KIRREL2: variants seen among roughly 807,000 people sequenced by gnomAD.
The protein encoded by KIRREL2 is kirre like nephrin family adhesion molecule 2.
A neutral mutation model predicts 73.4 loss-of-function variants in KIRREL2; 56 were observed. The ratio of observed to expected loss-of-function variants is 0.76; its 90% confidence interval spans 0.62 to 0.95. KIRREL2 has a LOEUF of 0.95. Ranked by LOEUF, KIRREL2 falls within the 40% of genes least tolerant of loss-of-function variation. The pLI is 0.00. For missense variants in KIRREL2, 896 were observed against 935.0 expected (o/e 0.96, Z 0.54); for synonymous variants, 407 against 404.0 (o/e 1.01, Z -0.09).
upstream of KIRREL2, among the ~76,000 whole-genome samples, chr19:35,855,656 TACACACACACACACACACACACAC>T (rs57458964): frequency 1.1e-4 from 9 of 84,924 alleles, no homozygotes; most frequent in Admixed American, 9.2e-4. Context: ...CACCTCCCCA[TACACACACACACACACACACACAC>T]ACACACACAC....
upstream of KIRREL2, among the ~76,000 whole-genome samples, chr19:35,856,310 T>A (rs1973422464): frequency 6.6e-6 from 1 of 152,112 alleles, no homozygotes; most frequent in Non-Finnish European, 1.5e-5. The surrounding 1 kb of genome is among the most constrained non-coding windows in gnomAD (Gnocchi z 5.9). Context: ...GGAGAGGGGT[T>A]GGGCTGGGAC....
At chr19:35,851,841 AG>A (rs1241934650), upstream of KIRREL2, 2 of 1,550,842 alleles carry the variant, frequency 1.3e-6, no homozygotes, top group Admixed American at 3.9e-5. Flanking sequence ...GGGCCATCAC[AG>A]GTCCCCCTAC....
chr19:35,860,872 C>T (rs1457674062), intron 7 of KIRREL2, 37 bp from the exon 8 acceptor site: 2 of 1,611,950 alleles, frequency 1.2e-6, no homozygotes, highest in Admixed American at 1.7e-5. Context: ...GGCTGCATTC[C>T]GCCCCGGCCA....
chr19:35,852,462 G>C (rs951278942), upstream of KIRREL2, among the ~76,000 whole-genome samples: 2 of 152,124 alleles, frequency 1.3e-5, no homozygotes, highest in African/African-American at 4.8e-5. Flanking sequence ...GCAGGCACTG[G>C]CAGAGTCAGC....
intron 13 of KIRREL2, among the ~76,000 whole-genome samples, chr19:35,863,461 CT>C (rs111603435): frequency 0.15 from 19,707 of 129,098 alleles, 3,188 homozygotes; most frequent in African/African-American, 0.43. Context: ...GGGCTCTAGT[CT>C]TTTTTTTTTT....
intron 14 of KIRREL2, 106 bp from the exon 15 acceptor site, chr19:35,866,049 CTT>C (rs1227313367): frequency 9.3e-7 from 1 of 1,071,372 alleles, no homozygotes; most frequent in Non-Finnish European, 1.4e-6. Context: ...ACTCCTGTCT[CTT>C]TTTGTCTCTC....
intron 2 of KIRREL2, 79 bp downstream of exon 2, chr19:35,857,573 T>G: frequency 1.4e-6 from 2 of 1,399,702 alleles, no homozygotes; most frequent in Non-Finnish European, 1.9e-6. Context: ...CAGTTTCTAT[T>G]TTGACATTTT....
chr19:35,862,859 C>G, intron 12 of KIRREL2, 68 bp from the exon 13 acceptor site: 1 of 946,482 alleles, frequency 1.1e-6, no homozygotes, highest in Non-Finnish European at 1.7e-6. Flanking sequence ...CCTCTCTCTT[C>G]CCGCTTATTG....
At chr19:35,860,265 T>G (rs1973606068) in intron 5 of KIRREL2, 32 bp from the exon 6 acceptor site, 1 of 1,583,942 alleles carries the variant, frequency 6.3e-7, no homozygotes, top group Non-Finnish European at 8.7e-7. Flanking sequence ...TTCCTGGTCC[T>G]TGCCCATCTG....
chr19:35,851,759 CA>C, upstream of KIRREL2: 6 of 1,555,252 alleles, frequency 3.9e-6, no homozygotes, highest in Non-Finnish European at 5.2e-6. Context: ...GCGCTGGGTA[CA>C]AGGCTGGGAT....
chr19:35,862,348 C>T, intron 11 of KIRREL2, 145 bp from the exon 12 acceptor site: 1 of 699,596 alleles, frequency 1.4e-6, no homozygotes, highest in Non-Finnish European at 2.5e-6. Flanking sequence ...AACTCACTCT[C>T]AAACTTGGGG....
intron 3 of KIRREL2, 59 bp from the exon 4 acceptor site, chr19:35,858,645 A>G: frequency 6.2e-7 from 1 of 1,608,792 alleles, no homozygotes; most frequent in South Asian, 1.1e-5. Flanking sequence ...GCCCAGGGGC[A>G]TGGTCAATTG....
At chr19:35,853,920 C>T (rs1280553021), upstream of KIRREL2, among the ~76,000 whole-genome samples, 1 of 141,908 alleles carries the variant, frequency 7.0e-6, no homozygotes, top group African/African-American at 2.7e-5. Context: ...TGTTGGCTCA[C>T]TGTAACCTCC....
chr19:35,855,021 T>TC (rs1209276517), upstream of KIRREL2, among the ~76,000 whole-genome samples: 1 of 152,094 alleles, frequency 6.6e-6, no homozygotes, highest in East Asian at 1.9e-4. Context: ...GCTAGTTTTC[T>TC]CCCTACCTCC....
chr19:35,861,898 G>C lies in KIRREL2; in HGVS notation c.1384G>C (p.Gly462Arg), dbSNP rs1973708459. Residue 462 changes from glycine (G) to arginine (R), a missense_variant, in exon 11 of 15, where the codon GGT becomes CGT. Physicochemically the swap from Gly to Arg is moderately radical, Grantham distance 125 (BLOSUM62 -2). Transcript: ENST00000360202. ...TGCCCCAGAGAGCCGCGGGGGACTGGGTCCGGGCCTGATCTCTGTGCTACA... is the reference window on the plus strand; with the variant it reads ...TGCCCCAGAGAGCCGCGGGGGACTGCGTCCGGGCCTGATCTCTGTGCTACA... The part of the protein sequence containing the change: ...FPAPESRGGL[G>R]PGLISVLHIS... 6.2e-7 allele frequency: 1 copy of C among 1,605,570 alleles called. No homozygotes were observed. The highest frequency in any genetic ancestry group is 1.3e-5 in the African/African-American group (1 of 74,844).
chr19:35,866,732 C>A lies in KIRREL2; in HGVS notation c.*240C>A. ...CCTATTCCCCGGTGTAAAAGAGATT[C>A]AAGATGGCAGGTAGGCCCTTTGAGG... On this transcript the variant is annotated 3_prime_UTR_variant, in exon 15 of 15. Transcript: ENST00000360202. The A allele has an allele frequency of 1.7e-6, 1 of 591,398 alleles. No homozygotes were observed. The highest frequency in any genetic ancestry group is 2.9e-6 in the Non-Finnish European group (1 of 340,594). 36.6% of individuals were successfully genotyped at this position (591,398 alleles called of 1,614,324 possible).
chr19:35,857,480 A>G lies in KIRREL2; in HGVS notation c.197A>G (p.Gln66Arg), dbSNP rs1176664257. ...AAGAGTGGGCTGGCCCTAGGGGGCCAAAGGGACCTACCAGGTAAGAGTGTT... is the reference window on the plus strand; with the variant it reads ...AAGAGTGGGCTGGCCCTAGGGGGCCGAAGGGACCTACCAGGTAAGAGTGTT... ...WTKSGLALGG[Q>R]RDLPGWSRYW... Residue 66 changes from glutamine (Q) to arginine (R), a missense_variant, in exon 2 of 15, where the codon CAA (glutamine) becomes CGA (arginine). By Grantham distance (43) the Gln-to-Arg change is conservative. Coordinates refer to ENST00000360202, the MANE Select transcript of KIRREL2 (RefSeq NM_199180.4). 6.3e-7 allele frequency: 1 copy of G among 1,596,754 alleles called. No individual in the cohort carries two copies. The highest frequency in any genetic ancestry group is 8.5e-7 in the Non-Finnish European group (1 of 1,172,912).
At chr19:35,861,076 A>G in intron 8 of KIRREL2, 40 bp downstream of exon 8, 2 of 1,606,268 alleles carry the variant, frequency 1.2e-6, no homozygotes. Flanking sequence ...GAGGGGGACC[A>G]GGCTTCCTTA....
chr19:35,866,878 T>C lies in KIRREL2; in HGVS notation c.*386T>C, dbSNP rs184611058. The C allele has an allele frequency of 6.8e-5, 20 of 294,326 alleles. No homozygotes were observed. The Admixed American group carries it at 8.4e-4, about 12-fold the overall frequency. 18.2% of individuals were successfully genotyped at this position (294,326 alleles called of 1,614,324 possible). Reference sequence around the variant, plus strand: ...CATTGAGAGGAAAGGTAGCATAGGATAGATGAAGATGAAGAGCATACCAGG... The same window carrying C: ...CATTGAGAGGAAAGGTAGCATAGGACAGATGAAGATGAAGAGCATACCAGG... On this transcript the variant is annotated 3_prime_UTR_variant, in exon 15 of 15. Transcript: ENST00000360202.
Sources: gnomAD v4.1 joint callset for allele counts (sites outside exome capture counted in the v4.1 genomes callset) on GRCh38, gnomAD v4.1.1 for gene constraint, Gnocchi (gnomAD v3.1) non-coding constraint, MANE v1.5 for transcripts, NCBI Gene and HGNC (gene_info 2026-07-23, HGNC 2026-07-21) for gene names.